ANGPTL2: variants seen among roughly 807,000 people sequenced by gnomAD.
ANGPTL2 encodes the protein angiopoietin-related protein 2.
A neutral mutation model predicts 52.8 loss-of-function variants in ANGPTL2; 25 were observed. The observed-to-expected ratio is 0.47, with a 90% CI of 0.35 to 0.66. ANGPTL2 has a LOEUF of 0.66. Ranked by LOEUF, ANGPTL2 falls within the 30% of genes least tolerant of loss-of-function variation. ANGPTL2 has a pLI of 0.01. For synonymous variants in ANGPTL2, 276 were observed against 277.4 expected, an observed-to-expected ratio of 1.00 and a Z score of 0.05; for missense variants, 546 against 656.9, an observed-to-expected ratio of 0.83 and a Z score of 1.84.
intron 1 of ANGPTL2, among the ~76,000 whole-genome samples, chr9:127,116,715 C>T (rs1416974596): frequency 1.3e-5 from 2 of 152,214 alleles, no homozygotes; most frequent in Non-Finnish European, 2.9e-5. Context: ...ACCAGGGCCA[C>T]CTTGGCTGTT....
chr9:127,108,042 G>A lies in ANGPTL2; in HGVS notation c.690C>T (p.Tyr230=), dbSNP rs2054394334. 1.2e-6 allele frequency: 2 copies of A among 1,610,692 alleles called. No individual in the cohort carries two copies. Among genetic ancestry groups the A allele is most frequent in the African/African-American group, 1.3e-5 (1 of 74,752 alleles). Residue 230 remains tyrosine, a synonymous_variant, in exon 2 of 5, where the codon TAC becomes TAT. Transcript: ENST00000373425. ...TAGAGATCTGGTTGATGATGCGGTT[G>A]TAGGTGGGTGGTTGGTAGACCCGGG... ...APPRVYQPPT[Y]NRIINQISTN... is the part of the protein sequence containing the mutation.
chr9:127,099,965 G>T (rs1001694142), intron 2 of ANGPTL2, among the ~76,000 whole-genome samples: 1 of 152,180 alleles, frequency 6.6e-6, no homozygotes, highest in Non-Finnish European at 1.5e-5. Flanking sequence ...AGACTTACTG[G>T]CTCTAAAATA....
chr9:127,114,234 T>G (rs2055165445), intron 1 of ANGPTL2, among the ~76,000 whole-genome samples: 1 of 152,230 alleles, frequency 6.6e-6, no homozygotes, highest in South Asian at 2.1e-4. Context: ...ATATTTATAT[T>G]GTAGCAATTT....
intron 1 of ANGPTL2, among the ~76,000 whole-genome samples, chr9:127,111,511 G>A (rs2054809373): frequency 6.6e-6 from 1 of 152,190 alleles, no homozygotes; most frequent in South Asian, 2.1e-4. Context: ...TGAGCAGCTG[G>A]GAGTGCTGGA....
intron 1 of ANGPTL2, among the ~76,000 whole-genome samples, chr9:127,110,507 G>C (rs893511186): frequency 6.6e-6 from 1 of 152,168 alleles, no homozygotes; most frequent in Non-Finnish European, 1.5e-5. Context: ...TCACCCTCAA[G>C]TACTGATTAC....
At chr9:127,101,668 G>T (rs2053742390) in intron 2 of ANGPTL2, among the ~76,000 whole-genome samples, 1 of 152,224 alleles carries the variant, frequency 6.6e-6, no homozygotes, top group African/African-American at 2.4e-5. Context: ...AACCTGCTTT[G>T]TGGGAAAGCC....
chr9:127,093,710 A>C (rs143922059), intron 3 of ANGPTL2, 23 bp downstream of exon 3: 19 of 1,612,656 alleles, frequency 1.2e-5, no homozygotes, highest in Admixed American at 6.7e-5. Context: ...TGGGCAGCAC[A>C]GACATCCCCT....
At chr9:127,112,714 G>A (rs1467843325) in intron 1 of ANGPTL2, among the ~76,000 whole-genome samples, 1 of 152,246 alleles carries the variant, frequency 6.6e-6, no homozygotes, top group Non-Finnish European at 1.5e-5. Context: ...ATCAGAAGCG[G>A]GAGATTGGAA....
Position 127,108,037 on chromosome 9 carries a change from C to A in ANGPTL2, c.695G>T (p.Arg232Leu), listed in dbSNP as rs199872129. 1 of 1,474,564 alleles carries A rather than the reference C, an allele frequency of 6.8e-7. No individual in the cohort carries two copies. Among genetic ancestry groups the A allele is most frequent in the Middle Eastern group, 1.9e-4 (1 of 5,378 alleles). 91.3% of individuals were successfully genotyped at this position (1,474,564 alleles called of 1,614,324 possible). A position where few individuals can be genotyped will look rare whatever the true frequency, so the allele number is the denominator to read the frequency against. ...PRVYQPPTYN[R>L]IINQISTNEI... ...GTTGGTAGAGATCTGGTTGATGATG[C>A]GGTTGTAGGTGGGTGGTTGGTAGAC... Residue 232 changes from arginine (R) to leucine (L), a missense_variant, in exon 2 of 5, where the codon CGC becomes CTC. Around this residue, in one of 2 missense-constraint regions of ANGPTL2, gnomAD observed 261 missense variants for 361.0 expected, o/e 0.72. Transcript: ENST00000373425.
intron 1 of ANGPTL2, among the ~76,000 whole-genome samples, chr9:127,111,706 CT>C (rs943070861): frequency 2.0e-5 from 3 of 152,174 alleles, no homozygotes; most frequent in African/African-American, 7.2e-5. Context: ...TCATAATCTC[CT>C]TTTAAGGTAG....
chr9:127,121,004 G>C (rs1426725219), intron 1 of ANGPTL2, among the ~76,000 whole-genome samples: 1 of 152,062 alleles, frequency 6.6e-6, no homozygotes, highest in Non-Finnish European at 1.5e-5. Flanking sequence ...AAGCAGTAGG[G>C]TGTGGTTGAG....
rs779383238 is a variant in ANGPTL2 at position 127,096,608 on chromosome 9, C to G, written c.818-2682G>C. Among the ~76,000 whole-genome samples the G allele has an allele frequency of 1.1e-4, 16 of 152,312 alleles. No homozygotes were observed. The South Asian group carries it at 1.2e-3, about 12-fold the overall frequency. ...GCGCCATGAATGATCTCAGTTTTAC[C>G]TTTGGCATTTCCACCAAGGGCTCTT... On this transcript the variant is annotated intron_variant, in intron 2 of 4. Coordinates refer to ENST00000373425, the MANE Select transcript of ANGPTL2 (RefSeq NM_012098.3).
chr9:127,089,171 G>A (rs956146815), intron 4 of ANGPTL2, 33 bp from the exon 5 acceptor site: 62 of 1,610,418 alleles, frequency 3.8e-5, no homozygotes, highest in Middle Eastern at 1.7e-4. Flanking sequence ...AGGGTGTCTG[G>A]GAGGAGGCCA....
rs962115846 is a variant in ANGPTL2 at position 127,091,622 on chromosome 9, GA to G, written c.1282+47del. ...GGAGTCAGGGGCTCTGGCTCTGGTT[GA>G]CCTCTTTTCCCTACCCTGCACCTGG... On this transcript the variant is annotated intron_variant, in intron 4 of 4. Transcript: ENST00000373425. The surrounding 1 kb of genome is among the most constrained non-coding windows in gnomAD (Gnocchi z 4.3). 14 of 1,585,702 alleles carry G rather than the reference GA, an allele frequency of 8.8e-6. No homozygotes were observed. The highest frequency in any genetic ancestry group is 1.1e-5 in the Non-Finnish European group (13 of 1,164,546).
chr9:127,110,423 G>A (rs1324544692), intron 1 of ANGPTL2, among the ~76,000 whole-genome samples: 1 of 152,112 alleles, frequency 6.6e-6, no homozygotes, highest in Non-Finnish European at 1.5e-5. Flanking sequence ...TTTCTCTACT[G>A]TTGAGGGGAC....
intron 1 of ANGPTL2, among the ~76,000 whole-genome samples, chr9:127,110,408 T>TTTATGAGGAATTACGATGG (rs2054681829): frequency 6.6e-6 from 1 of 152,346 alleles, no homozygotes; most frequent in South Asian, 2.1e-4. Flanking sequence ...CTCATATTCC[T>TTTATGAGGAATTACGATGG]GTCCTTTCTC....
At chr9:127,121,319 T>C (rs1432633711) in intron 1 of ANGPTL2, among the ~76,000 whole-genome samples, 1 of 152,158 alleles carries the variant, frequency 6.6e-6, no homozygotes. Flanking sequence ...GGCTAGTAGG[T>C]AGAAGAGCTG....
chr9:127,115,066 G>T (rs563929332), intron 1 of ANGPTL2, among the ~76,000 whole-genome samples: 1 of 152,180 alleles, frequency 6.6e-6, no homozygotes, highest in Non-Finnish European at 1.5e-5. Context: ...AATGGCTGTC[G>T]TTTGTTGTGA....
Position 127,087,973 on chromosome 9 carries a change from C to G in ANGPTL2, c.*966G>C, listed in dbSNP as rs1343758269. ...TACATTATCTATACGGCCGGTGGAG[C>G]TTTTGGCCTGGCCTTCCCTTCCCAA... On this transcript the variant is annotated 3_prime_UTR_variant, in exon 5 of 5. Transcript: ENST00000373425. 1 of 152,574 alleles carries G rather than the reference C, an allele frequency of 6.6e-6. No homozygotes were observed. The highest frequency in any genetic ancestry group is 2.4e-5 in the African/African-American group (1 of 41,426). 9.5% of individuals were successfully genotyped at this position (152,574 alleles called of 1,614,324 possible).
Sources: gnomAD v4.1 joint callset for allele counts (sites outside exome capture counted in the v4.1 genomes callset) on GRCh38, gnomAD v4.1.1 for gene constraint, gnomAD v4.1.1 regional missense constraint, Gnocchi (gnomAD v3.1) non-coding constraint, MANE v1.5 for transcripts, NCBI Gene and HGNC (gene_info 2026-07-23, HGNC 2026-07-21) for gene names.